Variants in NFIB observed in about 807,000 individuals in gnomAD.
NFIB encodes nuclear factor I B, also known as nuclear factor 1 B-type.
In NFIB, 11 loss-of-function variants were observed where a neutral mutation model predicts 61.5. The observed-to-expected ratio is 0.18, with a 90% CI of 0.11 to 0.30. NFIB has a LOEUF of 0.30. NFIB is among the 10% of genes least tolerant of loss of function. The pLI, the probability that NFIB is intolerant of heterozygous loss-of-function variation, is 1.00. For missense variants in NFIB, 471 were observed against 608.9 expected (o/e 0.77, Z 2.38); for synonymous variants, 260 against 216.5 (o/e 1.20, Z -1.76).
In NFIB at chr9:14,307,506, T is replaced by A. The variant is rs1341444705; in HGVS notation, c.45A>T (p.Pro15=). The part of the protein sequence containing the change: ...PICLTQDEFH[P]FIEALLPHVR... The stretch of plus-strand genomic sequence containing the variant: ...CATGTGGAAGAAGTGCCTCGATGAA[T>A]GGGTGAAATTCATCCTGTGGAAGAC... The change falls in exon 2 of 11, where the codon CCA becomes CCT. Residue 15 remains proline (P), a synonymous_variant. Transcript: ENST00000380953. The surrounding 1 kb of genome is among the most constrained non-coding windows in gnomAD (Gnocchi z 5.3). The A allele has an allele frequency of 6.2e-7, 1 of 1,603,710 alleles. No homozygotes were observed. The highest frequency in any genetic ancestry group is 8.5e-7 in the Non-Finnish European group (1 of 1,173,088).
At chr9:14,509,820 G>GT in the NFIB span, among the ~76,000 whole-genome samples, 2 of 152,202 alleles carry the variant, frequency 1.3e-5, no homozygotes, top group South Asian at 4.1e-4. Flanking sequence ...AGCAGGTGTG[G>GT]TAAGTTCTTG....
intron 6 of NFIB, among the ~76,000 whole-genome samples, chr9:14,143,221 G>A (rs2041944748): frequency 6.6e-6 from 1 of 152,006 alleles, no homozygotes; most frequent in Non-Finnish European, 1.5e-5. Context: ...ATTTATTATT[G>A]TAATATGCTA....
At chr9:14,437,448 T>C in the NFIB span, among the ~76,000 whole-genome samples, 2 of 152,216 alleles carry the variant, frequency 1.3e-5, no homozygotes, top group Non-Finnish European at 2.9e-5. Context: ...AAGTTCCTGC[T>C]TGTGCGGGAC....
chr9:14,260,313 G>A (rs2056628377), intron 2 of NFIB, among the ~76,000 whole-genome samples: 3 of 152,168 alleles, frequency 2.0e-5, no homozygotes, highest in Admixed American at 2.0e-4. Context: ...TATAAATGCA[G>A]AGGCCCAATC....
At chr9:14,117,624 G>A (rs1054333038) in intron 8 of NFIB, among the ~76,000 whole-genome samples, 6 of 151,990 alleles carry the variant, frequency 3.9e-5, no homozygotes, top group Non-Finnish European at 7.4e-5. Context: ...CTAAGTCTTC[G>A]GTTAGGCTCC....
chr9:14,135,547 T>G (rs1227682924), intron 6 of NFIB, among the ~76,000 whole-genome samples: 2 of 152,186 alleles, frequency 1.3e-5, no homozygotes, highest in African/African-American at 4.8e-5. Context: ...TCCCACACAC[T>G]CCAAGTTAAC....
chr9:14,136,069 G>A (rs1435626528), intron 6 of NFIB, among the ~76,000 whole-genome samples: 1 of 152,016 alleles, frequency 6.6e-6, no homozygotes, highest in African/African-American at 2.4e-5. Context: ...CCAAGTTAAA[G>A]CAAACCTCTT....
At chr9:14,262,092 A>G (rs2056812359) in intron 2 of NFIB, among the ~76,000 whole-genome samples, 2 of 152,062 alleles carry the variant, frequency 1.3e-5, no homozygotes, top group Non-Finnish European at 2.9e-5. Context: ...ACTTATCTAC[A>G]CAGGGCACTA....
intron 10 of NFIB, among the ~76,000 whole-genome samples, chr9:14,097,882 T>C (rs1314300769): frequency 8.4e-5 from 12 of 143,334 alleles, no homozygotes; most frequent in African/African-American, 2.4e-4. Context: ...TTTCTTTTTT[T>C]TTTTTTTTTT....
chr9:14,313,853 G>A lies in NFIB; in HGVS notation c.-342C>T, dbSNP rs2060408824. 8.2e-7 allele frequency: 1 copy of A among 1,212,710 alleles called. No individual in the cohort carries two copies. Among genetic ancestry groups the A allele is most frequent in the Non-Finnish European group, 1.0e-6 (1 of 968,906 alleles). The allele number at this position is 1,212,710 out of a possible 1,614,324, so 75.1% of individuals were successfully genotyped here. ...GGGATTTGTTTTCTATTTTGCAGTTGTTGTTGTTGTTGGGGTGTAGGGGGT... is the reference window on the plus strand; with the variant it reads ...GGGATTTGTTTTCTATTTTGCAGTTATTGTTGTTGTTGGGGTGTAGGGGGT... On this transcript the variant is annotated 5_prime_UTR_variant, in exon 1 of 11. Transcript: ENST00000380953. This position sits in a 1 kb window ranked among gnomAD's most constrained non-coding sequence, Gnocchi z 4.5.
intron 3 of NFIB, 59 bp downstream of exon 3, chr9:14,179,668 A>G: frequency 6.3e-7 from 1 of 1,582,876 alleles, no homozygotes; most frequent in Non-Finnish European, 8.7e-7. Context: ...TTATCTATAC[A>G]GTGGTACCTT....
intron 1 of NFIB, among the ~76,000 whole-genome samples, chr9:14,337,481 G>A (rs1178229184): frequency 4.6e-5 from 7 of 152,192 alleles, no homozygotes; most frequent in Non-Finnish European, 7.3e-5. Context: ...ATGGGGTGCG[G>A]ACCTGGCAAT....
At chr9:14,157,980 G>A (rs968089377) in intron 3 of NFIB, among the ~76,000 whole-genome samples, 53 of 151,480 alleles carry the variant, frequency 3.5e-4, no homozygotes, top group African/African-American at 3.4e-4. Flanking sequence ...GCATGGTGGC[G>A]GGCACCTGTA....
intron 7 of NFIB, among the ~76,000 whole-genome samples, chr9:14,125,004 CT>C (rs2039443514): frequency 6.6e-6 from 1 of 152,164 alleles, no homozygotes; most frequent in Non-Finnish European, 1.5e-5. Flanking sequence ...GAAATTCCAT[CT>C]TTCCCTTAGT....
At chr9:14,135,332 G>A (rs375058119) in intron 6 of NFIB, among the ~76,000 whole-genome samples, 1 of 152,134 alleles carries the variant, frequency 6.6e-6, no homozygotes, top group Admixed American at 6.6e-5. Flanking sequence ...CTGCAAGAAG[G>A]AAAGCTTCAT....
chr9:14,226,471 G>T (rs1009735105), intron 2 of NFIB, among the ~76,000 whole-genome samples: 1 of 150,930 alleles, frequency 6.6e-6, no homozygotes, highest in African/African-American at 2.4e-5. Context: ...TCTCTTGAAC[G>T]CATGCGGTGG....
the NFIB span, among the ~76,000 whole-genome samples, chr9:14,453,219 C>T: frequency 2.0e-5 from 3 of 152,338 alleles, no homozygotes; most frequent in African/African-American, 4.8e-5. Flanking sequence ...AGGATAAAAA[C>T]AGACATGATC....
the NFIB span, among the ~76,000 whole-genome samples, chr9:14,469,314 C>G: frequency 6.6e-6 from 1 of 152,286 alleles, no homozygotes; most frequent in East Asian, 1.9e-4. Context: ...TACTGATGAT[C>G]ATTGTGGGTT....
At chr9:14,292,014 G>C (rs944180799) in intron 2 of NFIB, among the ~76,000 whole-genome samples, 1 of 151,988 alleles carries the variant, frequency 6.6e-6, no homozygotes, top group Non-Finnish European at 1.5e-5. Flanking sequence ...TACTTCCTAT[G>C]AAAATGTATA....
Sources: gnomAD v4.1 joint callset for allele counts (sites outside exome capture counted in the v4.1 genomes callset) on GRCh38, gnomAD v4.1.1 for gene constraint, Gnocchi (gnomAD v3.1) non-coding constraint, MANE v1.5 for transcripts, NCBI Gene and HGNC (gene_info 2026-07-23, HGNC 2026-07-21) for gene names.